PLSCR2: variants seen among roughly 807,000 people sequenced by gnomAD.
PLSCR2 encodes PL scramblase 2.
In PLSCR2, 18 loss-of-function variants were observed where a neutral mutation model predicts 25.3. That is an observed-to-expected ratio of 0.71 (90% CI 0.49 to 1.06). The LOEUF (loss-of-function observed/expected upper bound fraction) is 1.06. PLSCR2 is among the 50% of genes least tolerant of loss of function. The probability of loss-of-function intolerance (pLI) is 0.00; values close to 1 mark genes in which losing one functional copy is unlikely to be tolerated. For synonymous variants in PLSCR2, 88 were observed against 87.3 expected, an observed-to-expected ratio of 1.01 and a Z score of -0.04; for missense variants, 243 against 269.5, an observed-to-expected ratio of 0.90 and a Z score of 0.69.
intron 2 of PLSCR2, among the ~76,000 whole-genome samples, chr3:146,403,872 A>G (rs1237391305): frequency 6.6e-6 from 1 of 152,168 alleles, no homozygotes; most frequent in East Asian, 1.9e-4. Context: ...ATGTCAGTAC[A>G]ATTCTTTGCC....
At chr3:146,430,474 A>G (rs1320192157), downstream of PLSCR2, among the ~76,000 whole-genome samples, 2 of 152,208 alleles carry the variant, frequency 1.3e-5, no homozygotes, top group Non-Finnish European at 2.9e-5. Flanking sequence ...GGCACTTCAC[A>G]GCATCAGTAG....
downstream of PLSCR2, among the ~76,000 whole-genome samples, chr3:146,430,754 C>T (rs142198731): frequency 1.7e-4 from 26 of 151,686 alleles, no homozygotes; most frequent in African/African-American, 5.6e-4. Context: ...CACTTCCCCC[C>T]ACCCCCAAGT....
intron 2 of PLSCR2, among the ~76,000 whole-genome samples, chr3:146,412,214 A>T (rs2038876366): frequency 6.6e-6 from 1 of 152,084 alleles, no homozygotes; most frequent in Non-Finnish European, 1.5e-5. Context: ...CACCTTTCTC[A>T]GGCTGCAGTT....
chr3:146,475,200 C>T (rs1000172180), intron 1 of PLSCR2, among the ~76,000 whole-genome samples: 1 of 152,054 alleles, frequency 6.6e-6, no homozygotes, highest in Non-Finnish European at 1.5e-5. Context: ...ATGTTGCAAT[C>T]ATTTGGGGGG....
rs144821279 is a variant in PLSCR2 at position 146,427,434 on chromosome 3, C to A, written c.100+30977G>T. Among the ~76,000 whole-genome samples, 509 of 152,186 alleles carry A rather than the reference C, an allele frequency of 3.3e-3. 1 individual carries two copies. The highest frequency in any genetic ancestry group is 5.0e-3 in the Non-Finnish European group (340 of 68,024). On this transcript the variant is annotated intron_variant and NMD_transcript_variant, in intron 2 of 3. Transcript: ENST00000463633. ...GAAAGTCTAGGAAAGGCTGTCCAGT[C>A]AAGAGAAAGAGCATGGATAAGATGG...
At chr3:146,483,437 A>AGAACT (rs1560054612) in intron 1 of PLSCR2, among the ~76,000 whole-genome samples, 9 of 70,162 alleles carry the variant, frequency 1.3e-4, no homozygotes, top group African/African-American at 4.7e-4. Flanking sequence ...TAATATATAT[A>AGAACT]TATATACACA....
intron 8 of PLSCR2, among the ~76,000 whole-genome samples, chr3:146,435,106 A>C (rs1349479101): frequency 6.6e-6 from 1 of 151,946 alleles, no homozygotes; most frequent in African/African-American, 2.4e-5. Context: ...TGAACTCATC[A>C]TTTTTTATGG....
At chr3:146,486,468 T>TA (rs2043347625) in intron 1 of PLSCR2, among the ~76,000 whole-genome samples, 1 of 145,970 alleles carries the variant, frequency 6.9e-6, no homozygotes, top group Non-Finnish European at 1.5e-5. Flanking sequence ...ATAGACACAA[T>TA]AAAAAATGAT....
intron 2 of PLSCR2, among the ~76,000 whole-genome samples, chr3:146,408,857 T>C (rs1000502940): frequency 1.3e-5 from 2 of 152,164 alleles, no homozygotes; most frequent in South Asian, 4.1e-4. Context: ...TCTAAAGCTC[T>C]CCTTCCACTT....
chr3:146,454,059 T>C (rs755363434), exon 5 of PLSCR2: 1 of 1,610,532 alleles, frequency 6.2e-7, no homozygotes, highest in Non-Finnish European at 8.5e-7. Flanking sequence ...TAATTTTTAG[T>C]ACATCCTCTC....
chr3:146,471,957 C>T (rs2042134696), intron 1 of PLSCR2, among the ~76,000 whole-genome samples: 1 of 152,178 alleles, frequency 6.6e-6, no homozygotes, highest in South Asian at 2.1e-4. Context: ...GTGATTTTTA[C>T]TTTTATTTTT....
At chr3:146,488,980 C>T (rs985280690) in intron 1 of PLSCR2, among the ~76,000 whole-genome samples, 10 of 152,062 alleles carry the variant, frequency 6.6e-5, no homozygotes, top group Admixed American at 2.6e-4. Flanking sequence ...TGGAATACTA[C>T]GCAGCCATAA....
chr3:146,448,317 G>T (rs1257668545), intron 6 of PLSCR2, among the ~76,000 whole-genome samples: 1 of 152,104 alleles, frequency 6.6e-6, no homozygotes, highest in African/African-American at 2.4e-5. Flanking sequence ...GCATTTACTT[G>T]TTGAAGCAGC....
intron 5 of PLSCR2, 137 bp downstream of exon 5, chr3:146,453,865 A>C (rs138771721): frequency 6.3e-4 from 387 of 613,040 alleles, no homozygotes; most frequent in African/African-American, 6.3e-3. Context: ...ACTCTGACCA[A>C]AGTTAAATAT....
chr3:146,491,271 C>T (rs1254090625), intron 1 of PLSCR2, among the ~76,000 whole-genome samples: 5 of 151,722 alleles, frequency 3.3e-5, no homozygotes, highest in Non-Finnish European at 7.4e-5. Flanking sequence ...CTCTAGTTGC[C>T]TTTAAGATTT....
chr3:146,432,608 G>A (rs185726255), downstream of PLSCR2, among the ~76,000 whole-genome samples: 24 of 152,248 alleles, frequency 1.6e-4, no homozygotes, highest in African/African-American at 5.8e-4. Context: ...GCAAAAAGGA[G>A]GGCAAGGACA....
chr3:146,495,315 G>A (rs1481028005), intron 1 of PLSCR2, among the ~76,000 whole-genome samples: 1 of 152,072 alleles, frequency 6.6e-6, no homozygotes, highest in Non-Finnish European at 1.5e-5. Flanking sequence ...GGAATCCTAG[G>A]CAATGTCTCT....
intron 2 of PLSCR2, among the ~76,000 whole-genome samples, chr3:146,404,951 G>T (rs1322778878): frequency 1.3e-5 from 2 of 152,102 alleles, no homozygotes; most frequent in Non-Finnish European, 2.9e-5. Context: ...CTCAGGGTGG[G>T]GATGTTTGAC....
intron 2 of PLSCR2, among the ~76,000 whole-genome samples, chr3:146,424,132 T>TGA (rs1553771255): frequency 6.8e-6 from 1 of 146,964 alleles, no homozygotes; most frequent in Non-Finnish European, 1.5e-5. Flanking sequence ...TTAAAGTATT[T>TGA]AAAAAAAAAA....
Sources: gnomAD v4.1 joint callset for allele counts (sites outside exome capture counted in the v4.1 genomes callset) on GRCh38, gnomAD v4.1.1 for gene constraint, MANE v1.5 for transcripts, NCBI Gene and HGNC (gene_info 2026-07-23, HGNC 2026-07-21) for gene names.